The following FRAS1 variants were observed in gnomAD, a reference collection of about 807,000 sequenced individuals.
FRAS1 encodes the protein Fraser extracellular matrix complex subunit 1, also known as extracellular matrix organizing protein FRAS1.
A neutral mutation model predicts 435.2 loss-of-function variants in FRAS1; 290 were observed. The ratio of observed to expected loss-of-function variants is 0.67; its 90% CI spans 0.61 to 0.73. The LOEUF (loss-of-function observed/expected upper bound fraction) is 0.73. Ranked by LOEUF, FRAS1 falls within the 30% of genes least tolerant of loss-of-function variation. The pLI, the probability that FRAS1 is intolerant of heterozygous loss-of-function variation, is 0.00. For missense variants in FRAS1, 4,860 were observed against 5,001.5 expected (o/e 0.97, Z 0.85); for synonymous variants, 1,800 against 1,851.0 (o/e 0.97, Z 0.71).
chr4:78,104,059 G>T (rs1742268524), intron 2 of FRAS1, among the ~76,000 whole-genome samples: 1 of 152,116 alleles, frequency 6.6e-6, no homozygotes, highest in South Asian at 2.1e-4. Flanking sequence ...TTAGCTCAGG[G>T]CTTAGCTAGT....
At chr4:78,191,255 G>T (rs1320305825) in intron 2 of FRAS1, among the ~76,000 whole-genome samples, 1 of 152,224 alleles carries the variant, frequency 6.6e-6, no homozygotes, top group Non-Finnish European at 1.5e-5. Flanking sequence ...GTAGGTCTTA[G>T]CACATGTCTG....
intron 27 of FRAS1, among the ~76,000 whole-genome samples, chr4:78,382,193 C>G (rs1459454695): frequency 1.3e-5 from 2 of 152,034 alleles, no homozygotes; most frequent in African/African-American, 4.8e-5. Context: ...TCAGTGCCAC[C>G]AAAAATCACT....
chr4:78,464,068 G>A lies in FRAS1; in HGVS notation c.6811G>A (p.Val2271Ile), dbSNP rs1719450097. The A allele has an allele frequency of 6.2e-7, 1 of 1,613,684 alleles. No individual in the cohort carries two copies. The highest frequency in any genetic ancestry group is 8.5e-7 in the Non-Finnish European group (1 of 1,179,788). Residue 2271 changes from valine (V) to isoleucine (I), a missense_variant, in exon 48 of 74, where the codon GTT (valine) becomes ATT (isoleucine). Val to Ile is a conservative substitution (Grantham distance 29). Coordinates refer to ENST00000512123, the MANE Select transcript of FRAS1 (RefSeq NM_025074.7). Reference protein sequence around the residue: ...FTQADLTSRNVQYVHSSEAEK... With the variant: ...FTQADLTSRNIQYVHSSEAEK... ...TCAAGCTGATCTGACTTCACGAAATGTTCAGTATGTCCATTCTAGTGAGGC... is the reference window on the plus strand; with the variant it reads ...TCAAGCTGATCTGACTTCACGAAATATTCAGTATGTCCATTCTAGTGAGGC...
At chr4:78,367,296 A>G (rs1352416157) in intron 22 of FRAS1, among the ~76,000 whole-genome samples, 14 of 151,898 alleles carry the variant, frequency 9.2e-5, no homozygotes, top group Admixed American at 9.2e-4. Context: ...ACCCAGCTAT[A>G]TGGGAATCTG....
At chr4:78,286,038 G>T (rs1319585203) in intron 13 of FRAS1, among the ~76,000 whole-genome samples, 1 of 151,310 alleles carries the variant, frequency 6.6e-6, no homozygotes, top group Non-Finnish European at 1.5e-5. Context: ...GGGGGCTATT[G>T]GATAAGAGGA....
At position 78,518,703 on chromosome 4, in the gene FRAS1, C is replaced by T. The variant is rs138546315; in HGVS notation, c.10390-628C>T. Among the ~76,000 whole-genome samples, 30 of 152,260 alleles carry T rather than the reference C, an allele frequency of 2.0e-4. No individual in the cohort carries two copies. The East Asian group carries it at 5.8e-3, about 29-fold the overall frequency. On this transcript the variant is annotated intron_variant, in intron 66 of 73. Coordinates refer to ENST00000512123, the MANE Select transcript of FRAS1 (RefSeq NM_025074.7). ...AATGTGATATGCTGCCTTTTCAAAA[C>T]TCTTTCCAAAGCATAGCATGGGACA...
chr4:78,379,153 AG>A (rs1731906924), intron 26 of FRAS1: 1 of 152,778 alleles, frequency 6.5e-6, no homozygotes, highest in Non-Finnish European at 1.5e-5. Flanking sequence ...TGGCACACGG[AG>A]GGCAGCTGAA....
rs758575664 is a variant in FRAS1, at chr4:78,387,386, G to A, written c.3660G>A (p.Val1220=). The change falls in exon 29 of 74, where the codon GTG becomes GTA. Residue 1220 remains valine, a synonymous_variant. Coordinates refer to ENST00000512123, the MANE Select transcript of FRAS1 (RefSeq NM_025074.7). The part of the protein sequence containing the change: ...IQAFSTQAPY[V]LRNEVLHISR... ...CTTCAACTCCACAGGCCCCCTATGT[G>A]CTGAGAAATGAAGTTCTCCACATTA... The A allele has an allele frequency of 6.2e-7, 1 of 1,607,076 alleles. No individual in the cohort carries two copies. Among genetic ancestry groups the A allele is most frequent in the African/African-American group, 1.3e-5 (1 of 74,726 alleles).
At position 78,482,392 on chromosome 4, in the gene FRAS1, G is replaced by C; in HGVS notation, c.8609G>C (p.Cys2870Ser). 5 of 1,613,734 alleles carry C rather than the reference G, an allele frequency of 3.1e-6. No individual in the cohort carries two copies. Among genetic ancestry groups the C allele is most frequent in the Non-Finnish European group, 4.2e-6 (5 of 1,179,778 alleles). Reference sequence around the variant, plus strand: ...TTGCTTTGGTTTCTCTTCTAGTATTGCACCTTGACTATCTTGGATGACACT... The same window carrying C: ...TTGCTTTGGTTTCTCTTCTAGTATTCCACCTTGACTATCTTGGATGACACT... ...EFGPGVIEQY[C>S]TLTILDDTQY... The change falls in exon 58 of 74, where the codon TGC (cysteine) becomes TCC (serine). Residue 2870 changes from cysteine (C) to serine (S), a missense_variant. Cys to Ser is a moderately radical substitution (Grantham distance 112). Coordinates refer to ENST00000512123, the MANE Select transcript of FRAS1 (RefSeq NM_025074.7).
intron 24 of FRAS1, 65 bp downstream of exon 24, chr4:78,372,923 C>T (rs1364616755): frequency 6.7e-7 from 1 of 1,486,804 alleles, no homozygotes; most frequent in African/African-American, 1.4e-5. Flanking sequence ...TTGTACTGTT[C>T]TCAGAAGGAA....
intron 61 of FRAS1, among the ~76,000 whole-genome samples, chr4:78,503,481 GT>G (rs1170907244): frequency 6.6e-6 from 1 of 152,082 alleles, no homozygotes; most frequent in Non-Finnish European, 1.5e-5. Context: ...TTTCTTCTAA[GT>G]TTTCTAGTTT....
At chr4:78,219,631 G>A (rs1446243810) in intron 2 of FRAS1, among the ~76,000 whole-genome samples, 3 of 152,176 alleles carry the variant, frequency 2.0e-5, no homozygotes, top group African/African-American at 7.2e-5. Context: ...TAAGATACCT[G>A]TTTCATCCTT....
chr4:78,414,198 A>T (rs905890987), intron 32 of FRAS1, among the ~76,000 whole-genome samples: 1 of 152,238 alleles, frequency 6.6e-6, no homozygotes, highest in Non-Finnish European at 1.5e-5. Flanking sequence ...AAAGTCTGTA[A>T]TTCATCATTC....
In FRAS1 at chr4:78,354,579, T is replaced by A. The variant is rs146598141; in HGVS notation, c.2423-8934T>A. Among the ~76,000 whole-genome samples, 272 of 152,308 alleles carry A rather than the reference T, an allele frequency of 1.8e-3. 2 individuals are homozygous for A. The Middle Eastern group carries it at 0.024, about 13-fold the overall frequency. ...TTTAAAAGTGGCATTAGAATTCAAA[T>A]TCTATGCCCTTTAAAGGCCCTGAGT... On this transcript the variant is annotated intron_variant, in intron 20 of 73. Coordinates refer to ENST00000512123, the MANE Select transcript of FRAS1 (RefSeq NM_025074.7).
At chr4:78,315,486 A>T in intron 15 of FRAS1, 108 bp from the exon 16 acceptor site, 1 of 1,187,070 alleles carries the variant, frequency 8.4e-7, no homozygotes, top group African/African-American at 1.6e-5. Context: ...GCAGCCAGAA[A>T]ATGAGATTAT....
Position 78,284,299 on chromosome 4 carries a change from A to G in FRAS1, c.1256-106A>G, listed in dbSNP as rs975299884. The G allele has an allele frequency of 7.4e-5, 54 of 726,880 alleles. 1 individual carries two copies. In the South Asian group the frequency reaches 1.2e-3, roughly 16 times the overall value. 45.0% of individuals were successfully genotyped at this position (726,880 alleles called of 1,614,324 possible). ...TAAGTCCCACAGTTTTCTGTTCTTC[A>G]TGTTCTATGTAATGCTACATACTTT... On this transcript the variant is annotated intron_variant, in intron 12 of 73. Coordinates refer to ENST00000512123, the MANE Select transcript of FRAS1 (RefSeq NM_025074.7).
At position 78,069,564 on chromosome 4, in the gene FRAS1, T is replaced by C. The variant is rs1210992912; in HGVS notation, c.108+3548T>C. On this transcript the variant is annotated intron_variant, in intron 2 of 73. Coordinates refer to ENST00000512123, the MANE Select transcript of FRAS1 (RefSeq NM_025074.7). Reference sequence around the variant, plus strand: ...CTGTGACATAGGGCAAGTTACATCATCTCTGGAACCTCTTATTGCCCCGAT... The same window carrying C: ...CTGTGACATAGGGCAAGTTACATCACCTCTGGAACCTCTTATTGCCCCGAT... Among the ~76,000 whole-genome samples the C allele has an allele frequency of 2.0e-5, 3 of 148,192 alleles. No individual in the cohort carries two copies. In the Admixed American group the frequency reaches 2.0e-4, roughly 10 times the overall value.
rs748494984 is a variant in FRAS1, at chr4:78,255,200, A to G, written c.470-42A>G. The G allele has an allele frequency of 1.2e-5, 19 of 1,550,546 alleles. No individual in the cohort carries two copies. The South Asian group carries it at 1.5e-4, about 13-fold the overall frequency. ...CATGCAGTCAGCCCTGGGATCAACA[A>G]ATGCCATCCCCCTAGTAATCCTTGT... On this transcript the variant is annotated intron_variant, in intron 5 of 73. Coordinates refer to ENST00000512123, the MANE Select transcript of FRAS1 (RefSeq NM_025074.7).
intron 2 of FRAS1, among the ~76,000 whole-genome samples, chr4:78,137,480 TA>T (rs981732406): frequency 6.6e-6 from 1 of 152,228 alleles, no homozygotes; most frequent in Non-Finnish European, 1.5e-5. Flanking sequence ...TTTTATTTTT[TA>T]AAAAATGCCA....
Sources: gnomAD v4.1 joint callset for allele counts (sites outside exome capture counted in the v4.1 genomes callset) on GRCh38, gnomAD v4.1.1 for gene constraint, MANE v1.5 for transcripts, NCBI Gene and HGNC (gene_info 2026-07-23, HGNC 2026-07-21) for gene names.